Variants in EDNRA observed in about 807,000 individuals in gnomAD.
EDNRA encodes the protein endothelin-1 receptor.
EDNRA carries 11 observed loss-of-function variants against 41.4 expected under a neutral mutation model. The ratio of observed to expected loss-of-function variants is 0.27; its 90% confidence interval spans 0.17 to 0.44. The LOEUF is 0.44. EDNRA is among the 20% of genes least tolerant of loss of function. The probability of loss-of-function intolerance (pLI) is 1.00; values close to 1 mark genes in which losing one functional copy is unlikely to be tolerated. For synonymous variants in EDNRA, 172 were observed against 183.0 expected (o/e 0.94, Z 0.49); for missense variants, 294 against 531.0 (o/e 0.55, Z 4.39).
At chr4:147,523,055 A>T (rs1402378386) in intron 3 of EDNRA, among the ~76,000 whole-genome samples, 2 of 152,214 alleles carry the variant, frequency 1.3e-5, no homozygotes, top group African/African-American at 4.8e-5. Flanking sequence ...TGAAAGAGTT[A>T]AGTTTTGTCT....
chr4:147,533,211 G>A (rs1485171549), intron 4 of EDNRA, among the ~76,000 whole-genome samples: 2 of 151,934 alleles, frequency 1.3e-5, no homozygotes, highest in Non-Finnish European at 2.9e-5. Context: ...ATATTAGTAC[G>A]GTTTCTATGT....
chr4:147,520,499 A>G (rs1365329933), intron 3 of EDNRA: 6 of 517,832 alleles, frequency 1.2e-5, no homozygotes, highest in Non-Finnish European at 2.3e-5. Flanking sequence ...AACTCCATCA[A>G]ATGTCCCGAA....
intron 2 of EDNRA, chr4:147,506,151 C>G (rs887000323): frequency 4.9e-5 from 26 of 527,828 alleles, no homozygotes; most frequent in Admixed American, 4.6e-4. Flanking sequence ...AGTTGGGAAA[C>G]TGTGGATTGC....
intron 3 of EDNRA, among the ~76,000 whole-genome samples, chr4:147,524,116 A>G (rs1016336940): frequency 6.6e-6 from 1 of 152,146 alleles, no homozygotes; most frequent in Non-Finnish European, 1.5e-5. Flanking sequence ...GTATTTTAAG[A>G]TATAGTATTT....
chr4:147,511,442 A>G (rs1378049859), intron 2 of EDNRA, among the ~76,000 whole-genome samples: 1 of 152,158 alleles, frequency 6.6e-6, no homozygotes, highest in African/African-American at 2.4e-5. Flanking sequence ...CACATATGGT[A>G]TTATTTTGCT....
chr4:147,485,582 G>A, intron 1 of EDNRA, 30 bp from the exon 2 acceptor site: 2 of 1,400,290 alleles, frequency 1.4e-6, no homozygotes, highest in Non-Finnish European at 1.9e-6. Context: ...CTGGGTTTTG[G>A]AACAAAAATT....
intron 2 of EDNRA, chr4:147,491,035 A>G (rs1032611607): frequency 1.3e-5 from 2 of 152,216 alleles, no homozygotes; most frequent in African/African-American, 2.4e-5. Flanking sequence ...TATGCCACGT[A>G]AATCACGTCT....
intron 2 of EDNRA, among the ~76,000 whole-genome samples, chr4:147,505,877 T>C (rs1252359372): frequency 6.6e-6 from 1 of 151,908 alleles, no homozygotes; most frequent in Non-Finnish European, 1.5e-5. Flanking sequence ...CTCAATCTCC[T>C]GACCAGGAGA....
At chr4:147,507,435 T>G (rs1271419367) in intron 2 of EDNRA, among the ~76,000 whole-genome samples, 1 of 152,150 alleles carries the variant, frequency 6.6e-6, no homozygotes, top group Admixed American at 6.5e-5. Context: ...AAAGTCAATC[T>G]CAAAAGATTG....
rs201768930 is a variant in EDNRA, at chr4:147,542,632, C to T, written c.*14C>T. ...AGCATGAACTGACCACCCTTAGAAG[C>T]ACTCCTCGGTACTCCCATAATCCTC... On this transcript the variant is annotated 3_prime_UTR_variant, in exon 8 of 8. Transcript: ENST00000651419. 1 of 1,613,326 alleles carries T rather than the reference C, an allele frequency of 6.2e-7. No individual in the cohort carries two copies.
chr4:147,490,151 AC>A lies in EDNRA; in HGVS notation c.420+4051del, dbSNP rs1421419140. 174 of 54,190 alleles carry A rather than the reference AC, an allele frequency of 3.2e-3. 2 individuals are homozygous for A. The African/African-American group carries it at 0.039, about 12-fold the overall frequency. 3.4% of individuals were successfully genotyped at this position (54,190 alleles called of 1,614,324 possible). On this transcript the variant is annotated intron_variant, in intron 2 of 7. Transcript: ENST00000651419. Reference sequence around the variant, plus strand: ...ATAGCCCTTGCTTACATACACTCACACACACACACACACACACACACACACA... The same window carrying A: ...ATAGCCCTTGCTTACATACACTCACAACACACACACACACACACACACACA...
At chr4:147,513,787 T>C (rs1363488788) in intron 2 of EDNRA, among the ~76,000 whole-genome samples, 2 of 152,160 alleles carry the variant, frequency 1.3e-5, no homozygotes, top group Admixed American at 6.5e-5. Flanking sequence ...CTCATTCCTG[T>C]CTAGGACAAA....
intron 2 of EDNRA, chr4:147,491,677 T>C (rs900966571): frequency 2.0e-4 from 30 of 152,260 alleles, no homozygotes; most frequent in African/African-American, 7.2e-4. Flanking sequence ...CCCAACTTAG[T>C]CAAGTTACCC....
chr4:147,527,228 A>G (rs559182524), intron 3 of EDNRA, among the ~76,000 whole-genome samples: 8 of 152,338 alleles, frequency 5.3e-5, no homozygotes, highest in African/African-American at 7.2e-5. Flanking sequence ...ATCCCACTCA[A>G]GATAATTAAT....
chr4:147,509,041 A>G (rs1729829885), intron 2 of EDNRA, among the ~76,000 whole-genome samples: 1 of 152,222 alleles, frequency 6.6e-6, no homozygotes, highest in Non-Finnish European at 1.5e-5. Flanking sequence ...TGCCATCTTA[A>G]TAATATCAAT....
At chr4:147,520,089 A>G in intron 3 of EDNRA, 111 bp downstream of exon 3, 4 of 1,343,850 alleles carry the variant, frequency 3.0e-6, no homozygotes, top group South Asian at 1.5e-5. Flanking sequence ...ATTAGCTTCA[A>G]GTGAATTAAA....
chr4:147,510,667 T>C (rs979986478), intron 2 of EDNRA, among the ~76,000 whole-genome samples: 24 of 152,212 alleles, frequency 1.6e-4, no homozygotes, highest in African/African-American at 4.1e-4. Context: ...ATTTTAGCTT[T>C]TCCTTTGAGA....
intron 2 of EDNRA, among the ~76,000 whole-genome samples, chr4:147,508,668 T>C (rs1729815775): frequency 6.6e-6 from 1 of 152,228 alleles, no homozygotes; most frequent in African/African-American, 2.4e-5. Context: ...AGTTATTTTT[T>C]TGCATATGGA....
At chr4:147,506,449 C>T (rs551242712) in intron 2 of EDNRA, 47 of 372,858 alleles carry the variant, frequency 1.3e-4, no homozygotes, top group African/African-American at 8.7e-4. Flanking sequence ...GTAAGGCTAT[C>T]ACAACAACTG....
Sources: gnomAD v4.1 joint callset for allele counts (sites outside exome capture counted in the v4.1 genomes callset) on GRCh38, gnomAD v4.1.1 for gene constraint, MANE v1.5 for transcripts, NCBI Gene and HGNC (gene_info 2026-07-23, HGNC 2026-07-21) for gene names.